Variants in PCDHGA8 observed in about 807,000 individuals in gnomAD.
PCDHGA8 encodes the protein protocadherin gamma-A8.
In PCDHGA8, 45 loss-of-function variants were observed where a neutral mutation model predicts 59.2. The ratio of observed to expected loss-of-function variants is 0.76; its 90% confidence interval spans 0.60 to 0.98. PCDHGA8 has a LOEUF of 0.98. Among genes scored for constraint, PCDHGA8 ranks in the 50% least tolerant of loss-of-function variants. The pLI, the probability that PCDHGA8 is intolerant of heterozygous loss-of-function variation, is 0.00. For missense variants in PCDHGA8, 1,257 were observed against 1,196.2 expected (o/e 1.05, Z -0.75); for synonymous variants, 531 against 519.0 (o/e 1.02, Z -0.32).
At chr5:141,474,447 G>A (rs1263877262) in intron 1 of PCDHGA8, among the ~76,000 whole-genome samples, 1 of 152,218 alleles carries the variant, frequency 6.6e-6, no homozygotes, top group Non-Finnish European at 1.5e-5. Flanking sequence ...AGTAGCAAGT[G>A]ATTGGGCTAT....
At chr5:141,401,657 G>T (rs1398256315) in intron 1 of PCDHGA8, among the ~76,000 whole-genome samples, 3 of 152,204 alleles carry the variant, frequency 2.0e-5, no homozygotes, top group Non-Finnish European at 4.4e-5. Context: ...ATGACTGGAT[G>T]TTTTCTCAAC....
chr5:141,453,050 C>A (rs2098754757), intron 1 of PCDHGA8, among the ~76,000 whole-genome samples: 3 of 152,006 alleles, frequency 2.0e-5, no homozygotes, highest in Non-Finnish European at 4.4e-5. Context: ...CTATTATGTG[C>A]AGTTTTAGAG....
Position 141,432,248 on chromosome 5 carries a change from C to T in PCDHGA8, c.2424+37011C>T. Reference sequence around the variant, plus strand: ...TTATTCCCTGGCTGAGAACACCATCCAAGGGGCAAGCCTATCGTCCTACGT... The same window carrying T: ...TTATTCCCTGGCTGAGAACACCATCTAAGGGGCAAGCCTATCGTCCTACGT... On this transcript the variant is annotated intron_variant, in intron 1 of 3. Transcript: ENST00000398604. This position sits in a 1 kb window ranked among gnomAD's most constrained non-coding sequence, Gnocchi z 6.0. 1.2e-6 allele frequency: 2 copies of T among 1,614,244 alleles called. No individual in the cohort carries two copies. Among genetic ancestry groups the T allele is most frequent in the South Asian group, 1.1e-5 (1 of 91,090 alleles).
intron 1 of PCDHGA8, chr5:141,422,386 A>G: frequency 1.3e-6 from 2 of 1,587,922 alleles, no homozygotes; most frequent in Non-Finnish European, 1.7e-6. Flanking sequence ...CTCCTGTTTT[A>G]TTCCTAACCA....
At chr5:141,420,018 G>A (rs2096458708) in intron 1 of PCDHGA8, 2 of 1,613,948 alleles carry the variant, frequency 1.2e-6, no homozygotes, top group African/African-American at 1.3e-5. Flanking sequence ...CAGTCTTTCA[G>A]CCCTACTGCA....
chr5:141,448,974 C>T (rs937711828), intron 1 of PCDHGA8, among the ~76,000 whole-genome samples: 5 of 151,994 alleles, frequency 3.3e-5, no homozygotes, highest in African/African-American at 1.2e-4. Context: ...CAAAAAAGAA[C>T]TTCCATATTA....
chr5:141,405,967 G>C (rs76683972), intron 1 of PCDHGA8, among the ~76,000 whole-genome samples: 1 of 151,968 alleles, frequency 6.6e-6, no homozygotes, highest in Non-Finnish European at 1.5e-5. Context: ...TGCTGTCAAC[G>C]TAAACCATAC....
At chr5:141,407,943 T>C (rs575027782) in intron 1 of PCDHGA8, 7 of 537,790 alleles carry the variant, frequency 1.3e-5, no homozygotes, top group African/African-American at 7.6e-5. Flanking sequence ...TGGGCGCCGC[T>C]GTCGGCCAGT....
At chr5:141,404,807 G>A (rs1226563047) in intron 1 of PCDHGA8, 1 of 1,613,924 alleles carries the variant, frequency 6.2e-7, no homozygotes, top group Non-Finnish European at 8.5e-7. Flanking sequence ...GCTCTTCTCG[G>A]TGGGGCTGCA....
At chr5:141,453,481 T>TA (rs1178324090) in intron 1 of PCDHGA8, among the ~76,000 whole-genome samples, 1 of 151,928 alleles carries the variant, frequency 6.6e-6, no homozygotes, top group African/African-American at 2.4e-5. Context: ...TCAAAACTAT[T>TA]AAAAAAAGGT....
At chr5:141,448,058 C>G (rs2098560499) in intron 1 of PCDHGA8, among the ~76,000 whole-genome samples, 2 of 151,936 alleles carry the variant, frequency 1.3e-5, no homozygotes, top group Non-Finnish European at 2.9e-5. Flanking sequence ...TGCTCTCCAG[C>G]CTGGGCAACA....
At chr5:141,481,860 G>A (rs1379910129) in intron 1 of PCDHGA8, among the ~76,000 whole-genome samples, 1 of 148,492 alleles carries the variant, frequency 6.7e-6, no homozygotes, top group Non-Finnish European at 1.5e-5. Context: ...GTTGCAGTGA[G>A]CCGAGATCGC....
chr5:141,466,195 C>G (rs1269214888), intron 1 of PCDHGA8, among the ~76,000 whole-genome samples: 1 of 151,748 alleles, frequency 6.6e-6, no homozygotes, highest in Non-Finnish European at 1.5e-5. Flanking sequence ...TTTTCAGACA[C>G]AGCCTTGCTC....
At chr5:141,426,334 C>T (rs551131722) in intron 1 of PCDHGA8, 1 of 186,734 alleles carries the variant, frequency 5.4e-6, no homozygotes, top group South Asian at 1.1e-4. Flanking sequence ...GTGGCAAGCA[C>T]TCTTCCCTTT....
intron 1 of PCDHGA8, among the ~76,000 whole-genome samples, chr5:141,407,170 AC>A (rs2154538102): frequency 6.6e-6 from 1 of 152,368 alleles, no homozygotes; most frequent in Admixed American, 6.5e-5. Flanking sequence ...ATCCTTTATG[AC>A]ATACAGACAT....
chr5:141,474,358 C>A (rs189724264), intron 1 of PCDHGA8, among the ~76,000 whole-genome samples: 30 of 152,290 alleles, frequency 2.0e-4, no homozygotes, highest in African/African-American at 6.5e-4. Context: ...AGTCATGTCT[C>A]AGTAGGTCTA....
intron 1 of PCDHGA8, chr5:141,414,518 A>G (rs746198767): frequency 1.9e-6 from 3 of 1,614,000 alleles, no homozygotes; most frequent in Non-Finnish European, 2.5e-6. Flanking sequence ...CAAGTGGCAG[A>G]TATCAATGAC....
intron 1 of PCDHGA8, chr5:141,405,433 T>G (rs539486666): frequency 2.0e-6 from 3 of 1,471,752 alleles, no homozygotes; most frequent in Admixed American, 3.9e-5. Flanking sequence ...TTTTGTTTTG[T>G]TTTTGAGACA....
chr5:141,460,936 A>G (rs189741735), intron 1 of PCDHGA8, among the ~76,000 whole-genome samples: 31 of 149,318 alleles, frequency 2.1e-4, no homozygotes, highest in Non-Finnish European at 3.8e-4. Flanking sequence ...GTGTGTGTGT[A>G]TATATATGTA....
Sources: allele counts gnomAD v4.1 joint callset (sites outside exome capture counted in the v4.1 genomes callset), GRCh38; gene constraint gnomAD v4.1.1; non-coding constraint Gnocchi (gnomAD v3.1); transcripts MANE v1.5; gene names NCBI Gene and HGNC (gene_info 2026-07-23, HGNC 2026-07-21).